Variants in CIAO3 observed in about 807,000 individuals in gnomAD.
The protein encoded by CIAO3 is cytosolic iron-sulfur assembly component 3, also known as LET1 like/JFP15.
A neutral mutation model predicts 51.5 loss-of-function variants in CIAO3; 45 were observed. The ratio of observed to expected loss-of-function variants is 0.87; its 90% confidence interval spans 0.69 to 1.12. The LOEUF is 1.12. Among genes scored for constraint, CIAO3 ranks in the 50% most tolerant of loss-of-function variants. The pLI, the probability that CIAO3 is intolerant of heterozygous loss-of-function variation, is 0.00. For synonymous variants in CIAO3, 314 were observed against 269.3 expected, an observed-to-expected ratio of 1.17 and a Z score of -1.63; for missense variants, 668 against 632.5, an observed-to-expected ratio of 1.06 and a Z score of -0.60.
chr16:731,081 T>C (rs2041274282), intron 9 of CIAO3, 81 bp from the exon 10 acceptor site: 1 of 1,563,568 alleles, frequency 6.4e-7, no homozygotes. Flanking sequence ...CTGCTGGGCT[T>C]CAGGGGATGA....
In CIAO3 at chr16:734,816, G is replaced by A. The variant is rs1181913960; in HGVS notation, c.495C>T (p.Ser165=). The stretch of plus-strand genomic sequence containing the variant: ...GGAATCGCCGCACAAACTCTCGCTG[G>A]CTCTCCAGGAGGCTGAAGTGCCTTG... ...AFSRHFSLLE[S]QREFVRRFRG... is the part of the protein sequence containing the mutation. Residue 165 remains serine, a synonymous_variant, in exon 5 of 11, where the codon AGC becomes AGT. Coordinates refer to ENST00000251588, the MANE Select transcript of CIAO3 (RefSeq NM_022493.3). 6.2e-7 allele frequency: 1 copy of A among 1,602,250 alleles called. No homozygotes were observed. The highest frequency in any genetic ancestry group is 1.3e-5 in the African/African-American group (1 of 74,924).
At chr16:733,151 G>C in intron 7 of CIAO3, 147 bp downstream of exon 7, 1 of 1,042,296 alleles carries the variant, frequency 9.6e-7, no homozygotes, top group East Asian at 2.6e-5. Flanking sequence ...TCCAAGGGGA[G>C]AGACGAAGGT....
At chr16:734,979 G>T in intron 4 of CIAO3, 108 bp from the exon 5 acceptor site, 1 of 1,382,520 alleles carries the variant, frequency 7.2e-7, no homozygotes. Context: ...TGTCGCACCT[G>T]CTTGCCGTGC....
chr16:730,491 AC>A lies in CIAO3; in HGVS notation c.1356del (p.Glu452AspfsTer58). On this transcript the variant is annotated frameshift_variant, in exon 11 of 11. Transcript: ENST00000251588. LOFTEE classifies it high-confidence loss of function. ...TGCGTATGCAGCAAGCGACCTGCACACTCCGAGTCCGTGCCCTGCAGCCAGT... is the reference window on the plus strand; with the variant it reads ...TGCGTATGCAGCAAGCGACCTGCACATCCGAGTCCGTGCCCTGCAGCCAGT... ...YTHWLQGTDS[E>X]CAGRLLHTQY... 6.2e-7 allele frequency: 1 copy of A among 1,609,452 alleles called. No homozygotes were observed. Among genetic ancestry groups the A allele is most frequent in the Non-Finnish European group, 8.5e-7 (1 of 1,179,950 alleles).
At position 730,253 on chromosome 16, in the gene CIAO3, G is replaced by A. The variant is rs372610074; in HGVS notation, c.*164C>T. On this transcript the variant is annotated 3_prime_UTR_variant, in exon 11 of 11. Coordinates refer to ENST00000251588, the MANE Select transcript of CIAO3 (RefSeq NM_022493.3). ...GGGAACCCAGAGGCACCCAACTGGA[G>A]GTGACGAGGCGGCTGCGGGTCCTGG... is the stretch of plus-strand genomic sequence containing the variant. The A allele has an allele frequency of 3.9e-5, 27 of 687,920 alleles. No individual in the cohort carries two copies. Among genetic ancestry groups the A allele is most frequent in the Middle Eastern group, 7.7e-4 (2 of 2,614 alleles). The allele number at this position is 687,920 out of a possible 1,614,324, so 42.6% of individuals were successfully genotyped here. A position where few individuals can be genotyped will look rare whatever the true frequency, so the allele number is the denominator to read the frequency against.
Position 737,015 on chromosome 16 carries a change from T to C in CIAO3, c.306+171A>G. 1.3e-6 allele frequency: 1 copy of C among 793,756 alleles called. No individual in the cohort carries two copies. The allele number at this position is 793,756 out of a possible 1,614,324, so 49.2% of individuals were successfully genotyped here. On this transcript the variant is annotated intron_variant, in intron 3 of 10. Transcript: ENST00000251588. This position sits in a 1 kb window ranked among gnomAD's most constrained non-coding sequence, Gnocchi z 5.3. ...AACCTGAAGTTTGGGGCCTGACACG[T>C]TCACCACTGGAGCCCACTGACAAAT...
Position 737,481 on chromosome 16 carries a change from C to A in CIAO3, c.163-152G>T. ...ATTTTTAAAAATTAGGTATGTATTA[C>A]AAAAATGCACACGCACGCTCTACAG... On this transcript the variant is annotated intron_variant, in intron 2 of 10. Coordinates refer to ENST00000251588, the MANE Select transcript of CIAO3 (RefSeq NM_022493.3). The surrounding 1 kb of genome is among the most constrained non-coding windows in gnomAD (Gnocchi z 5.3). 1 of 1,520,472 alleles carries A rather than the reference C, an allele frequency of 6.6e-7. No homozygotes were observed. The highest frequency in any genetic ancestry group is 8.8e-7 in the Non-Finnish European group (1 of 1,136,946). The allele number at this position is 1,520,472 out of a possible 1,614,324, so 94.2% of individuals were successfully genotyped here. A position where few individuals can be genotyped will look rare whatever the true frequency, so the allele number is the denominator to read the frequency against.
rs146827126 is a variant in CIAO3, at chr16:738,130, C to G, written c.163-801G>C. 924 of 1,017,982 alleles carry G rather than the reference C, an allele frequency of 9.1e-4. 12 individuals carry two copies. In the African/African-American group the frequency reaches 0.015, roughly 16 times the overall value. 63.1% of individuals were successfully genotyped at this position (1,017,982 alleles called of 1,614,324 possible). On this transcript the variant is annotated intron_variant, in intron 2 of 10. Coordinates refer to ENST00000251588, the MANE Select transcript of CIAO3 (RefSeq NM_022493.3). ...CCCCAAGGCACAAAGCCTTGCCTGCCACAGGGTGCTGGGCAGAGGCTGACA... is the reference window on the plus strand; with the variant it reads ...CCCCAAGGCACAAAGCCTTGCCTGCGACAGGGTGCTGGGCAGAGGCTGACA...
rs948054756 is a variant in CIAO3 at position 740,744 on chromosome 16, C to T, written c.66+176G>A. ...CCTCAGTTTCCTTGTTGGTAAGAAG[C>T]GGGCCTCAGTGTCTGAGGCCCCGCG... On this transcript the variant is annotated intron_variant, in intron 1 of 10. Coordinates refer to ENST00000251588, the MANE Select transcript of CIAO3 (RefSeq NM_022493.3). The T allele has an allele frequency of 3.5e-5, 20 of 574,982 alleles. 1 individual carries two copies. Among genetic ancestry groups the T allele is most frequent in the African/African-American group, 3.0e-4 (15 of 49,904 alleles). 35.6% of individuals were successfully genotyped at this position (574,982 alleles called of 1,614,324 possible).
At chr16:732,401 C>T in intron 7 of CIAO3, 28 bp from the exon 8 acceptor site, 1 of 1,611,336 alleles carries the variant, frequency 6.2e-7, no homozygotes, top group Non-Finnish European at 8.5e-7. Context: ...CGCAGACACT[C>T]TTTAGCGGAG....
At chr16:733,953 G>T in intron 6 of CIAO3, 2 of 456,962 alleles carry the variant, frequency 4.4e-6, no homozygotes, top group Non-Finnish European at 8.1e-6. Context: ...GGCCGGAGGG[G>T]TGGGCTCCAG....
chr16:737,092 C>A lies in CIAO3; in HGVS notation c.306+94G>T. On this transcript the variant is annotated intron_variant, in intron 3 of 10. Coordinates refer to ENST00000251588, the MANE Select transcript of CIAO3 (RefSeq NM_022493.3). The surrounding 1 kb of genome is among the most constrained non-coding windows in gnomAD (Gnocchi z 5.3). ...CAGGCGCCACCCGCACGACGGACGT[C>A]GGCACCACACGAGCTGCCCTTGGCA... The A allele has an allele frequency of 6.5e-7, 1 of 1,543,272 alleles. No individual in the cohort carries two copies.
intron 9 of CIAO3, chr16:731,307 A>G (rs998288504): frequency 6.6e-6 from 4 of 604,244 alleles, no homozygotes; most frequent in Non-Finnish European, 1.1e-5. Flanking sequence ...GGCACCCATC[A>G]CCTTTGCCCA....
chr16:734,186 G>A (rs1289108049), intron 6 of CIAO3, 43 bp downstream of exon 6: 3 of 1,569,042 alleles, frequency 1.9e-6, no homozygotes. Flanking sequence ...GTCACTTCTG[G>A]CCGCTCCCCA....
chr16:740,019 G>T, intron 1 of CIAO3: 1 of 1,445,744 alleles, frequency 6.9e-7, no homozygotes, highest in Non-Finnish European at 9.2e-7. Context: ...CACCAACACT[G>T]ACCTTCACCC....
rs1179675051 is a variant in CIAO3 at position 730,183 on chromosome 16, C to A, written c.*234G>T. The A allele has an allele frequency of 6.8e-6, 4 of 587,190 alleles. No homozygotes were observed. In the East Asian group the frequency reaches 1.1e-4, roughly 17 times the overall value. The allele number at this position is 587,190 out of a possible 1,614,324, so 36.4% of individuals were successfully genotyped here. A position where few individuals can be genotyped will look rare whatever the true frequency, so the allele number is the denominator to read the frequency against. ...GAACAGGCTCTGGGACCTCAGGGAA[C>A]CTTCTGCTGCCTGGGCCACCCCACC... On this transcript the variant is annotated 3_prime_UTR_variant, in exon 11 of 11. Transcript: ENST00000251588.
Position 730,758 on chromosome 16 carries a change from T to TCCTCCCACTC in CIAO3, c.1192+75_1192+84dup, listed in dbSNP as rs2041267978. 1.3e-6 allele frequency: 2 copies of TCCTCCCACTC among 1,583,040 alleles called. 1 individual carries two copies. ...GACCGGGCCCCCTCTGTGCCCCACT[T>TCCTCCCACTC]CCTCCCACTCCCAGCCTGGTGGATG... On this transcript the variant is annotated intron_variant, in intron 10 of 10. Coordinates refer to ENST00000251588, the MANE Select transcript of CIAO3 (RefSeq NM_022493.3).
Position 737,115 on chromosome 16 carries a change from G to T in CIAO3, c.306+71C>A. On this transcript the variant is annotated intron_variant, in intron 3 of 10. Coordinates refer to ENST00000251588, the MANE Select transcript of CIAO3 (RefSeq NM_022493.3). The surrounding 1 kb of genome is among the most constrained non-coding windows in gnomAD (Gnocchi z 5.3). Reference sequence around the variant, plus strand: ...GTCGGCACCACACGAGCTGCCCTTGGCAAAACGCGTTGTCGGCTGCTGGGA... The same window carrying T: ...GTCGGCACCACACGAGCTGCCCTTGTCAAAACGCGTTGTCGGCTGCTGGGA... 2 of 1,597,912 alleles carry T rather than the reference G, an allele frequency of 1.3e-6. No homozygotes were observed. Among genetic ancestry groups the T allele is most frequent in the East Asian group, 2.2e-5 (1 of 44,506 alleles).
chr16:736,574 G>T (rs1346195114), intron 3 of CIAO3, among the ~76,000 whole-genome samples, 176 bp from the exon 4 acceptor site: 1 of 151,806 alleles, frequency 6.6e-6, no homozygotes, highest in South Asian at 2.1e-4. Flanking sequence ...GAGTGCAGTG[G>T]TGCGATCGGA....
Sources: allele counts gnomAD v4.1 joint callset (sites outside exome capture counted in the v4.1 genomes callset), GRCh38; gene constraint gnomAD v4.1.1; non-coding constraint Gnocchi (gnomAD v3.1); transcripts MANE v1.5; gene names NCBI Gene and HGNC (gene_info 2026-07-23, HGNC 2026-07-21).